Variants in CDH13 observed in about 807,000 individuals in gnomAD.
CDH13 encodes cadherin 13.
In CDH13, 24 loss-of-function variants were observed where a neutral mutation model predicts 63.8. That is an observed-to-expected ratio of 0.38 (90% CI 0.27 to 0.53). The LOEUF is 0.53. CDH13 is among the 20% of genes least tolerant of loss of function. The pLI, the probability that CDH13 is intolerant of heterozygous loss-of-function variation, is 0.85. For missense variants in CDH13, 1,049 were observed against 903.1 expected, an observed-to-expected ratio of 1.16 and a Z score of -2.07; for synonymous variants, 503 against 355.3, an observed-to-expected ratio of 1.42 and a Z score of -4.67.
chr16:83,549,945 C>G (rs548136965), intron 7 of CDH13, among the ~76,000 whole-genome samples: 1 of 152,226 alleles, frequency 6.6e-6, no homozygotes, highest in African/African-American at 2.4e-5. Flanking sequence ...CTTTCCCACT[C>G]GTCTTGCTGG....
chr16:83,046,782 T>A (rs1917825407), intron 3 of CDH13, among the ~76,000 whole-genome samples: 1 of 152,172 alleles, frequency 6.6e-6, no homozygotes, highest in Admixed American at 6.5e-5. Context: ...GGCCTGAGAT[T>A]GTTGCTCTGA....
At chr16:82,715,743 C>G (rs1034829477) in intron 1 of CDH13, among the ~76,000 whole-genome samples, 10 of 152,146 alleles carry the variant, frequency 6.6e-5, no homozygotes, top group Non-Finnish European at 4.4e-5. Flanking sequence ...AAAGAGGTGA[C>G]AATGACATGC....
At chr16:83,240,001 A>G (rs1433589100) in intron 5 of CDH13, among the ~76,000 whole-genome samples, 2 of 152,168 alleles carry the variant, frequency 1.3e-5, no homozygotes, top group African/African-American at 4.8e-5. Flanking sequence ...ATATCTGTAA[A>G]GAGAGAAAGC....
At chr16:82,833,232 T>C (rs765954764) in intron 1 of CDH13, among the ~76,000 whole-genome samples, 1 of 152,214 alleles carries the variant, frequency 6.6e-6, no homozygotes, top group Non-Finnish European at 1.5e-5. Flanking sequence ...CCATGAATAA[T>C]TGTGTAGCAC....
At chr16:82,663,793 C>T (rs1474361468) in intron 1 of CDH13, among the ~76,000 whole-genome samples, 1 of 152,156 alleles carries the variant, frequency 6.6e-6, no homozygotes, top group East Asian at 1.9e-4. Context: ...TGGGGGTGAT[C>T]TCTGGTCCCC....
At chr16:82,664,927 G>A (rs971805779) in intron 1 of CDH13, among the ~76,000 whole-genome samples, 4 of 152,156 alleles carry the variant, frequency 2.6e-5, no homozygotes, top group Non-Finnish European at 4.4e-5. Context: ...ATGTGTGTGT[G>A]TAATTGATTC....
chr16:83,478,381 G>T (rs946210362), intron 6 of CDH13, among the ~76,000 whole-genome samples: 1 of 152,102 alleles, frequency 6.6e-6, no homozygotes, highest in Admixed American at 6.6e-5. Flanking sequence ...TCCTGGCCCA[G>T]CTCCCAGTCT....
At chr16:83,300,428 A>T (rs879731738) in intron 5 of CDH13, among the ~76,000 whole-genome samples, 10 of 152,382 alleles carry the variant, frequency 6.6e-5, no homozygotes, top group Admixed American at 2.0e-4. Context: ...TGATTTTCTC[A>T]AACCTGGAAG....
intron 1 of CDH13, among the ~76,000 whole-genome samples, chr16:82,728,742 C>G (rs972167493): frequency 2.0e-5 from 3 of 152,118 alleles, no homozygotes; most frequent in Non-Finnish European, 4.4e-5. Flanking sequence ...TCTGCATCAA[C>G]TGACTGTTTC....
chr16:82,878,468 G>A (rs1452815846), intron 2 of CDH13, among the ~76,000 whole-genome samples: 1 of 144,206 alleles, frequency 6.9e-6, no homozygotes, highest in East Asian at 2.3e-4. Context: ...ATACATTTCA[G>A]TAAGGTTGTC....
intron 2 of CDH13, among the ~76,000 whole-genome samples, chr16:82,862,496 G>C (rs2039983067): frequency 6.6e-6 from 1 of 152,302 alleles, no homozygotes; most frequent in Non-Finnish European, 1.5e-5. Flanking sequence ...CAGGGGATGA[G>C]TGCAGTCTTT....
intron 1 of CDH13, among the ~76,000 whole-genome samples, chr16:82,642,741 G>C (rs1909571848): frequency 6.6e-6 from 1 of 152,194 alleles, no homozygotes; most frequent in South Asian, 2.1e-4. Context: ...GCTGATATCA[G>C]TGTGGTGCTG....
At chr16:82,945,684 C>A (rs1013029508) in intron 2 of CDH13, among the ~76,000 whole-genome samples, 2 of 152,128 alleles carry the variant, frequency 1.3e-5, no homozygotes, top group East Asian at 1.9e-4. Flanking sequence ...TACTAAGTCC[C>A]ATCTGCAAGG....
At chr16:82,956,974 CAG>C (rs1369646157) in intron 2 of CDH13, among the ~76,000 whole-genome samples, 3 of 152,076 alleles carry the variant, frequency 2.0e-5, no homozygotes, top group African/African-American at 7.2e-5. Flanking sequence ...AAAGTGGAGA[CAG>C]GGGTGGAGAG....
intron 1 of CDH13, among the ~76,000 whole-genome samples, chr16:82,854,384 G>C (rs1421809973): frequency 7.9e-6 from 1 of 126,444 alleles, no homozygotes; most frequent in Admixed American, 8.9e-5. Context: ...CTGGGTGACA[G>C]AGCAAGGCTC....
intron 7 of CDH13, among the ~76,000 whole-genome samples, chr16:83,526,098 A>G (rs552289874): frequency 7.2e-5 from 11 of 152,202 alleles, no homozygotes; most frequent in Non-Finnish European, 1.3e-4. Context: ...CAGTAGCAAT[A>G]TGAAAGGGAT....
chr16:83,274,945 C>A (rs59980792), intron 5 of CDH13, among the ~76,000 whole-genome samples: 7 of 152,250 alleles, frequency 4.6e-5, no homozygotes, highest in Non-Finnish European at 7.4e-5. Flanking sequence ...CTCAGTGAGC[C>A]CTCCTCTGCC....
intron 8 of CDH13, among the ~76,000 whole-genome samples, chr16:83,661,482 CAAA>C (rs35875178): frequency 1.2e-4 from 14 of 116,754 alleles, no homozygotes; most frequent in Non-Finnish European, 9.4e-5. Context: ...GACCCTGTCT[CAAA>C]AAAAAAAAAA....
At chr16:83,330,734 G>A (rs2090463536) in intron 5 of CDH13, among the ~76,000 whole-genome samples, 1 of 152,170 alleles carries the variant, frequency 6.6e-6, no homozygotes, top group African/African-American at 2.4e-5. Flanking sequence ...GGGGTGGCGT[G>A]GGGTCCATGA....
Sources: allele counts gnomAD v4.1 joint callset (sites outside exome capture counted in the v4.1 genomes callset), GRCh38; gene constraint gnomAD v4.1.1; transcripts MANE v1.5; gene names NCBI Gene and HGNC (gene_info 2026-07-23, HGNC 2026-07-21).